The following MSRA variants were observed in gnomAD, a reference collection of about 807,000 sequenced individuals.
MSRA encodes mitochondrial peptide methionine sulfoxide reductase.
MSRA carries 54 observed loss-of-function variants against 31.3 expected under a neutral mutation model. The observed-to-expected ratio is 1.73, with a 90% CI of 1.39 to 2.17. The LOEUF (loss-of-function observed/expected upper bound fraction) is 2.17, where lower values mean the gene tolerates loss of function less well. MSRA is among the 30% of genes most tolerant of loss of function. The pLI, the probability that MSRA is intolerant of heterozygous loss-of-function variation, is 0.00. For missense variants in MSRA, 507 were observed against 300.9 expected (o/e 1.69, Z -5.07); for synonymous variants, 169 against 116.5 (o/e 1.45, Z -2.90).
At chr8:10,404,173 G>A (rs903127206) in intron 5 of MSRA, among the ~76,000 whole-genome samples, 1 of 152,162 alleles carries the variant, frequency 6.6e-6, no homozygotes. Flanking sequence ...TCCACGTGGA[G>A]AGGTCACCTC....
At chr8:10,147,492 C>T (rs1366002836) in intron 1 of MSRA, among the ~76,000 whole-genome samples, 3 of 152,190 alleles carry the variant, frequency 2.0e-5, no homozygotes, top group Non-Finnish European at 4.4e-5. Flanking sequence ...GAGTGAAAGT[C>T]ACAGTGTCTT....
chr8:10,216,892 C>G (rs1810045373), intron 2 of MSRA, among the ~76,000 whole-genome samples: 1 of 152,212 alleles, frequency 6.6e-6, no homozygotes, highest in Non-Finnish European at 1.5e-5. Context: ...CTTCAAGTCC[C>G]TGCTTTCCAT....
intron 3 of MSRA, chr8:10,250,765 C>T: frequency 2.8e-6 from 1 of 359,504 alleles, no homozygotes; most frequent in Non-Finnish European, 5.0e-6. Context: ...TGTGTCCTGT[C>T]CTGAGCCCGT....
intron 3 of MSRA, among the ~76,000 whole-genome samples, chr8:10,291,721 T>G (rs550175291): frequency 6.0e-4 from 91 of 152,236 alleles, no homozygotes; most frequent in Middle Eastern, 3.4e-3. Flanking sequence ...GCTCTTTGAT[T>G]TGGTTTAACG....
rs539191152 is a variant in MSRA at position 10,147,907 on chromosome 8, C to G, written c.143-59926C>G. Among the ~76,000 whole-genome samples, 19 of 152,324 alleles carry G rather than the reference C, an allele frequency of 1.2e-4. No individual in the cohort carries two copies. In the South Asian group the frequency reaches 3.9e-3, roughly 32 times the overall value. ...GACCACAACAACCGTGTTCCTCAGA[C>G]TGATGCGAAACTCCAAAGAGCGGGA... On this transcript the variant is annotated intron_variant, in intron 1 of 5. Transcript: ENST00000317173.
Position 10,301,539 on chromosome 8 carries a change from A to G in MSRA, c.337A>G (p.Thr113Ala). 6.2e-7 allele frequency: 1 copy of G among 1,610,566 alleles called. No individual in the cohort carries two copies. Among genetic ancestry groups the G allele is most frequent in the Non-Finnish European group, 8.5e-7 (1 of 1,179,054 alleles). ...PTYKEVCSEKTGHAEVVRVVY... is the reference protein window; with the variant it reads ...PTYKEVCSEKAGHAEVVRVVY... The stretch of plus-strand genomic sequence containing the variant: ...TACGTTTTGTTTTTTCCAAGAAAAA[A>G]CTGGCCATGCAGAAGTCGTCCGAGT... Residue 113 changes from threonine to alanine, a missense_variant, in exon 4 of 6, where the codon ACT becomes GCT. Transcript: ENST00000317173.
chr8:10,335,581 T>A (rs1328461812), intron 5 of MSRA, among the ~76,000 whole-genome samples: 1 of 152,088 alleles, frequency 6.6e-6, no homozygotes, highest in Admixed American at 6.5e-5. Context: ...CGGCGCCTGA[T>A]CTTGTACCTG....
At chr8:10,085,985 C>T (rs1020671961) in intron 1 of MSRA, among the ~76,000 whole-genome samples, 1 of 152,210 alleles carries the variant, frequency 6.6e-6, no homozygotes. Flanking sequence ...CAGATTGTTT[C>T]CAGTTTTGAG....
At chr8:10,239,134 A>T (rs565120308) in intron 2 of MSRA, among the ~76,000 whole-genome samples, 1 of 152,120 alleles carries the variant, frequency 6.6e-6, no homozygotes, top group African/African-American at 2.4e-5. Context: ...GAGATGCTCA[A>T]CCTCAGTGGT....
chr8:10,267,640 G>C (rs1350157119), intron 3 of MSRA, among the ~76,000 whole-genome samples: 3 of 152,072 alleles, frequency 2.0e-5, no homozygotes, highest in Admixed American at 6.5e-5. Flanking sequence ...AAAGTCAGGA[G>C]AGAGATACAG....
At chr8:10,307,169 A>AT (rs5889329) in intron 4 of MSRA, among the ~76,000 whole-genome samples, 43 of 133,060 alleles carry the variant, frequency 3.2e-4, no homozygotes, top group African/African-American at 1.2e-3. Context: ...AAGGATGCAC[A>AT]TTTTTTTTTT....
intron 5 of MSRA, among the ~76,000 whole-genome samples, chr8:10,333,145 C>G (rs531388355): frequency 2.6e-4 from 40 of 152,254 alleles, no homozygotes; most frequent in Non-Finnish European, 4.3e-4. Flanking sequence ...TCCTGGCCAA[C>G]ATAGGGTGAT....
intron 1 of MSRA, among the ~76,000 whole-genome samples, chr8:10,130,741 G>A (rs904867734): frequency 6.6e-6 from 1 of 152,194 alleles, no homozygotes; most frequent in Non-Finnish European, 1.5e-5. Context: ...GGCATAGAAA[G>A]CAAATGACAA....
At chr8:10,183,745 G>A (rs921405011) in intron 1 of MSRA, among the ~76,000 whole-genome samples, 6 of 152,034 alleles carry the variant, frequency 3.9e-5, no homozygotes, top group Admixed American at 6.6e-5. Context: ...TAAAGAGGAC[G>A]GTGTGGCATC....
intron 1 of MSRA, among the ~76,000 whole-genome samples, chr8:10,188,070 T>A (rs532899356): frequency 6.6e-6 from 1 of 152,230 alleles, no homozygotes; most frequent in Non-Finnish European, 1.5e-5. Context: ...AAATACTTCT[T>A]TTGAAATAGT....
At chr8:10,411,334 C>T (rs1028932684) in intron 5 of MSRA, 2 of 152,186 alleles carry the variant, frequency 1.3e-5, no homozygotes, top group African/African-American at 4.8e-5. Flanking sequence ...TTAAAGGAAA[C>T]TGACAAAAGC....
At chr8:10,192,800 AT>A (rs1319259129) in intron 1 of MSRA, among the ~76,000 whole-genome samples, 8 of 152,208 alleles carry the variant, frequency 5.3e-5, no homozygotes, top group Admixed American at 6.5e-5. Context: ...AGAATTATAT[AT>A]GAGACTCATT....
chr8:10,260,844 T>C (rs915152121), intron 3 of MSRA, among the ~76,000 whole-genome samples: 8 of 152,220 alleles, frequency 5.3e-5, no homozygotes, highest in South Asian at 2.1e-4. Context: ...TTCTGAATGT[T>C]GTAATCGTAT....
chr8:10,085,847 T>C (rs1444495369), intron 1 of MSRA, among the ~76,000 whole-genome samples: 1 of 152,246 alleles, frequency 6.6e-6, no homozygotes. Flanking sequence ...ATCCAACATG[T>C]AGTCTTCTCT....
Sources: gnomAD v4.1 joint callset for allele counts (sites outside exome capture counted in the v4.1 genomes callset) on GRCh38, gnomAD v4.1.1 for gene constraint, MANE v1.5 for transcripts, NCBI Gene and HGNC (gene_info 2026-07-23, HGNC 2026-07-21) for gene names.